The following CACNA1C variants were observed in gnomAD, a reference collection of about 807,000 sequenced individuals.
CACNA1C encodes the protein voltage-dependent L-type calcium channel subunit alpha-1C.
Under a neutral mutation model 229.0 loss-of-function variants are expected in CACNA1C, and 30 were observed. The observed-to-expected ratio is 0.13, with a 90% CI of 0.10 to 0.18. The LOEUF (loss-of-function observed/expected upper bound fraction) is 0.18. CACNA1C is among the 10% of genes least tolerant of loss of function. The pLI is 1.00. For missense variants in CACNA1C, 1,658 were observed against 2,845.0 expected (o/e 0.58, Z 9.49); for synonymous variants, 1,114 against 1,132.5 (o/e 0.98, Z 0.33).
At chr12:2,157,115 G>A (rs1015910495) in intron 3 of CACNA1C, among the ~76,000 whole-genome samples, 4 of 152,166 alleles carry the variant, frequency 2.6e-5, no homozygotes, top group South Asian at 2.1e-4. Flanking sequence ...TTGGTTCAAC[G>A]TTTGTATTCT....
intron 1 of CACNA1C, among the ~76,000 whole-genome samples, chr12:2,079,198 G>A (rs996038505): frequency 6.6e-6 from 1 of 151,964 alleles, no homozygotes; most frequent in African/African-American, 2.4e-5. Flanking sequence ...GTTAATGGGT[G>A]CAGCACACCA....
At chr12:2,527,679 T>C (rs1262818097) in intron 9 of CACNA1C, among the ~76,000 whole-genome samples, 1 of 152,236 alleles carries the variant, frequency 6.6e-6, no homozygotes, top group East Asian at 1.9e-4. Flanking sequence ...TTTACTAATA[T>C]TCGCTAAGGT....
At chr12:2,606,114 C>T (rs1418324743) in intron 24 of CACNA1C, among the ~76,000 whole-genome samples, 1 of 152,170 alleles carries the variant, frequency 6.6e-6, no homozygotes, top group East Asian at 1.9e-4. Context: ...GCAGCGGTGA[C>T]CTATTATCAA....
intron 3 of CACNA1C, among the ~76,000 whole-genome samples, chr12:2,389,382 G>T (rs766078971): frequency 1.3e-5 from 2 of 152,132 alleles, no homozygotes; most frequent in Non-Finnish European, 2.9e-5. Flanking sequence ...AGGACACTGT[G>T]CTGGGAAGGA....
chr12:2,604,883 T>C (rs1014010261), intron 22 of CACNA1C, among the ~76,000 whole-genome samples, 198 bp from the exon 23 acceptor site: 1 of 152,158 alleles, frequency 6.6e-6, no homozygotes, highest in African/African-American at 2.4e-5. Flanking sequence ...GCCCCAGGGT[T>C]ACAGGCAAGC....
intron 1 of CACNA1C, among the ~76,000 whole-genome samples, chr12:2,008,062 C>T (rs1174162267): frequency 6.6e-6 from 1 of 152,008 alleles, no homozygotes; most frequent in Non-Finnish European, 1.5e-5. Context: ...AGTTTCTTGA[C>T]AGATAAGCAA....
chr12:2,360,810 C>T (rs1334020748), intron 3 of CACNA1C, among the ~76,000 whole-genome samples: 2 of 152,076 alleles, frequency 1.3e-5, no homozygotes, highest in East Asian at 1.9e-4. Context: ...TGTAATATTT[C>T]GTAGTGAAGT....
intron 1 of CACNA1C, among the ~76,000 whole-genome samples, chr12:2,062,796 A>C (rs1037611795): frequency 2.0e-5 from 3 of 152,124 alleles, no homozygotes; most frequent in South Asian, 2.1e-4. Flanking sequence ...CATTCTTGGA[A>C]TATTTCCTCA....
chr12:2,671,807 A>ACTAT (rs903340621), intron 38 of CACNA1C, among the ~76,000 whole-genome samples: 5 of 152,252 alleles, frequency 3.3e-5, no homozygotes, highest in African/African-American at 1.2e-4. Context: ...AGAATTACAG[A>ACTAT]CTATCTTTTA....
In CACNA1C at chr12:2,597,184, C is replaced by A. The variant is rs1379719342; in HGVS notation, c.2794-46C>A. ...TGACCTCTCTTCCCGTCCTGCTTTT[C>A]TCCCTTCCCCATCCCATCCCCACCC... On this transcript the variant is annotated intron_variant, in intron 20 of 46. Coordinates refer to ENST00000399655, the MANE Select transcript of CACNA1C (RefSeq NM_000719.7). This position sits in a 1 kb window ranked among gnomAD's most constrained non-coding sequence, Gnocchi z 4.3. 7.9e-7 allele frequency: 1 copy of A among 1,261,666 alleles called. No individual in the cohort carries two copies. The allele number at this position is 1,261,666 out of a possible 1,614,324, so 78.2% of individuals were successfully genotyped here.
rs2096062891 is a variant in CACNA1C at position 2,665,853 on chromosome 12, A to G, written c.4526+145A>G. 2 of 795,282 alleles carry G rather than the reference A, an allele frequency of 2.5e-6. No homozygotes were observed. Among genetic ancestry groups the G allele is most frequent in the Non-Finnish European group, 3.8e-6 (2 of 529,906 alleles). 49.3% of individuals were successfully genotyped at this position (795,282 alleles called of 1,614,324 possible). A position where few individuals can be genotyped will look rare whatever the true frequency, so the allele number is the denominator to read the frequency against. On this transcript the variant is annotated intron_variant, in intron 36 of 46. Transcript: ENST00000399655. The surrounding 1 kb of genome is among the most constrained non-coding windows in gnomAD (Gnocchi z 5.9). ...TATCACACCCTAGGGTGAAAGGTCA[A>G]GGGCCAGCAGGAGGAGGCCCGGCAC...
At chr12:2,035,180 C>T (rs1297245914) in intron 1 of CACNA1C, among the ~76,000 whole-genome samples, 1 of 152,230 alleles carries the variant, frequency 6.6e-6, no homozygotes, top group Non-Finnish European at 1.5e-5. Flanking sequence ...GGCGTCTGCG[C>T]CAAGGCACGT....
At chr12:1,979,406 C>T (rs2035454188) in intron 1 of CACNA1C, among the ~76,000 whole-genome samples, 1 of 152,172 alleles carries the variant, frequency 6.6e-6, no homozygotes, top group Non-Finnish European at 1.5e-5. Context: ...CCTCCACCTT[C>T]AGGGTTCAAG....
intron 11 of CACNA1C, among the ~76,000 whole-genome samples, chr12:2,561,192 C>T (rs1600128828): frequency 6.6e-6 from 1 of 152,192 alleles, no homozygotes; most frequent in African/African-American, 2.4e-5. Flanking sequence ...CCGATTCCTT[C>T]GTGGGTCTTG....
At chr12:2,100,530 A>G (rs1404185826) in intron 1 of CACNA1C, among the ~76,000 whole-genome samples, 1 of 145,104 alleles carries the variant, frequency 6.9e-6, no homozygotes, top group Non-Finnish European at 1.5e-5. Flanking sequence ...CAGGAGGATC[A>G]CTTGAGCCTA....
rs370539713 is a variant in CACNA1C at position 2,222,776 on chromosome 12, G to A, written c.477+102346G>A. 2.0e-5 allele frequency among the ~76,000 whole-genome samples: 3 copies of A among 152,318 alleles called. No individual in the cohort carries two copies. The South Asian group carries it at 6.2e-4, about 32-fold the overall frequency. On this transcript the variant is annotated intron_variant, in intron 3 of 46. Coordinates refer to ENST00000399655, the MANE Select transcript of CACNA1C (RefSeq NM_000719.7). ...GAGTGGCAGGCGGCTCTCAAGTGAG[G>A]AGTGCTTTCTCATTCACTGGAAAAC...
intron 45 of CACNA1C, among the ~76,000 whole-genome samples, chr12:2,686,516 T>C (rs1192915294): frequency 1.3e-5 from 2 of 152,208 alleles, no homozygotes. Context: ...CTTTGTGTGA[T>C]CCTGAGGACC....
intron 8 of CACNA1C, among the ~76,000 whole-genome samples, chr12:2,511,392 C>G (rs2099783397): frequency 2.0e-5 from 3 of 152,220 alleles, no homozygotes; most frequent in Admixed American, 2.0e-4. Flanking sequence ...AAGCAGAGCC[C>G]TTTGCCCTCT....
chr12:2,327,263 C>T (rs186572428), intron 3 of CACNA1C, among the ~76,000 whole-genome samples: 228 of 152,366 alleles, frequency 1.5e-3, no homozygotes, highest in South Asian at 8.9e-3. Context: ...CTCAATTTTC[C>T]GCTAGCTTTG....
Sources: gnomAD v4.1 joint callset for allele counts (sites outside exome capture counted in the v4.1 genomes callset) on GRCh38, gnomAD v4.1.1 for gene constraint, Gnocchi (gnomAD v3.1) non-coding constraint, MANE v1.5 for transcripts, NCBI Gene and HGNC (gene_info 2026-07-23, HGNC 2026-07-21) for gene names.